ANKRD26: variants seen among roughly 807,000 people sequenced by gnomAD.
ANKRD26 encodes ankyrin repeat domain-containing protein 26.
In ANKRD26, 141 loss-of-function variants were observed where a neutral mutation model predicts 208.7. That is an observed-to-expected ratio of 0.68 (90% confidence interval 0.59 to 0.78). The LOEUF is 0.78. ANKRD26 is among the 30% of genes least tolerant of loss of function. The probability of loss-of-function intolerance (pLI) is 0.00; values close to 1 mark genes in which losing one functional copy is unlikely to be tolerated. For synonymous variants in ANKRD26, 636 were observed against 660.4 expected, an observed-to-expected ratio of 0.96 and a Z score of 0.57; for missense variants, 1,889 against 1,938.7, an observed-to-expected ratio of 0.97 and a Z score of 0.48.
intron 5 of ANKRD26, among the ~76,000 whole-genome samples, chr10:26,993,860 T>C (rs113123145): frequency 0.031 from 4,646 of 152,228 alleles, 176 homozygotes; most frequent in African/African-American, 0.086. Flanking sequence ...ATAATCTGTC[T>C]GCATAATCCT....
At chr10:27,051,277 G>A (rs1024018361) in intron 16 of ANKRD26, 2 of 1,289,304 alleles carry the variant, frequency 1.6e-6, no homozygotes, top group East Asian at 5.6e-5. Flanking sequence ...AATGGCTTCT[G>A]GAACAAGTTC....
chr10:27,042,775 C>A (rs2054294864), intron 20 of ANKRD26, among the ~76,000 whole-genome samples: 1 of 114,042 alleles, frequency 8.8e-6, no homozygotes, highest in Non-Finnish European at 1.8e-5. Flanking sequence ...AACAAACAAA[C>A]ACAAAAAACA....
chr10:26,971,675 CAA>C (rs1170237211), downstream of ANKRD26, among the ~76,000 whole-genome samples: 28 of 89,422 alleles, frequency 3.1e-4, no homozygotes, highest in African/African-American at 4.5e-4. Context: ...GACCATGTCT[CAA>C]AAAAAAAAAA....
intron 33 of ANKRD26, 138 bp from the exon 34 acceptor site, chr10:27,005,861 T>A (rs904821502): frequency 5.5e-6 from 6 of 1,082,450 alleles, no homozygotes; most frequent in Non-Finnish European, 7.5e-6. Context: ...TTATACAATA[T>A]TACTATTAAA....
At chr10:27,041,767 C>G (rs1452183927) in intron 20 of ANKRD26, among the ~76,000 whole-genome samples, 1 of 151,558 alleles carries the variant, frequency 6.6e-6, no homozygotes, top group Non-Finnish European at 1.5e-5. Flanking sequence ...TATAAGCCCC[C>G]AAAGAGGAAG....
chr10:27,040,325 A>G, intron 20 of ANKRD26, 147 bp from the exon 21 acceptor site: 1 of 666,160 alleles, frequency 1.5e-6, no homozygotes. Flanking sequence ...CTCTGAAGAT[A>G]AAACAGGCAA....
intron 27 of ANKRD26, among the ~76,000 whole-genome samples, chr10:27,025,104 A>C (rs1327271228): frequency 2.0e-5 from 3 of 152,182 alleles, no homozygotes; most frequent in East Asian, 3.8e-4. Context: ...AAACAAAAAC[A>C]TAACTTTTGC....
chr10:27,094,801 G>A (rs780919772), intron 1 of ANKRD26, among the ~76,000 whole-genome samples: 1 of 152,166 alleles, frequency 6.6e-6, no homozygotes, highest in Non-Finnish European at 1.5e-5. Context: ...AAGAGTTTGA[G>A]ACCAGCCTGG....
chr10:27,096,113 A>G (rs2056457681), intron 1 of ANKRD26, among the ~76,000 whole-genome samples: 1 of 152,188 alleles, frequency 6.6e-6, no homozygotes, highest in Admixed American at 6.5e-5. Context: ...GCTCACCAGA[A>G]CTTCTCTCAG....
In ANKRD26 at chr10:27,089,659, G is replaced by C. The variant is rs922621010; in HGVS notation, c.638+2747C>G. Among the ~76,000 whole-genome samples, 7 of 152,194 alleles carry C rather than the reference G, an allele frequency of 4.6e-5. 1 individual carries two copies. The highest frequency in any genetic ancestry group is 1.7e-4 in the African/African-American group (7 of 41,456). On this transcript the variant is annotated intron_variant, in intron 4 of 33. Coordinates refer to ENST00000376087, the MANE Select transcript of ANKRD26 (RefSeq NM_014915.3). ...TACATAAAATTAGCCGGGCATGGTG[G>C]TATGTGCTTGTAGTCCCAGCTACTT...
intron 3 of ANKRD26, among the ~76,000 whole-genome samples, chr10:26,985,083 A>G (rs1055078298): frequency 2.0e-5 from 3 of 152,074 alleles, no homozygotes; most frequent in Non-Finnish European, 4.4e-5. Flanking sequence ...AAAAGCTTCA[A>G]CCCAGTGGGA....
intron 31 of ANKRD26, 64 bp from the exon 32 acceptor site, chr10:27,013,174 C>T: frequency 6.9e-7 from 1 of 1,451,842 alleles, no homozygotes; most frequent in Non-Finnish European, 9.5e-7. Flanking sequence ...TCCTAAAAGA[C>T]TTGCAATTTT....
At chr10:27,068,500 G>A (rs1298528878) in intron 9 of ANKRD26, among the ~76,000 whole-genome samples, 1 of 152,064 alleles carries the variant, frequency 6.6e-6, no homozygotes, top group Middle Eastern at 3.2e-3. Context: ...TTCTAGACAG[G>A]GCACCATAAA....
In ANKRD26 at chr10:27,048,779, G is replaced by C. The variant is rs1244232780; in HGVS notation, c.1814+22C>G. ...TATAGCACAATAACAATTATCTGCT[G>C]TTAAATATGCTATCAGCTTACCTAG... is the stretch of plus-strand genomic sequence containing the variant. On this transcript the variant is annotated intron_variant, in intron 17 of 33. Transcript: ENST00000376087. The C allele has an allele frequency of 1.9e-6, 3 of 1,597,914 alleles. No homozygotes were observed. In the African/African-American group the frequency reaches 4.0e-5, roughly 21 times the overall value.
chr10:27,045,986 A>C (rs553274856), intron 18 of ANKRD26: 1 of 162,276 alleles, frequency 6.2e-6, no homozygotes, highest in Admixed American at 6.1e-5. Context: ...TTTCATAAGC[A>C]TTTCCTTCTC....
At chr10:27,037,381 C>T (rs2054079757) in intron 22 of ANKRD26, 58 bp from the exon 23 acceptor site, 1 of 1,575,324 alleles carries the variant, frequency 6.3e-7, no homozygotes, top group African/African-American at 1.4e-5. Flanking sequence ...AAAAGGTTAA[C>T]AAGAGCAGAA....
In ANKRD26 at chr10:27,017,574, A is replaced by G. The variant is rs966546896; in HGVS notation, c.4434T>C (p.Tyr1478=). The G allele has an allele frequency of 6.2e-7, 1 of 1,613,674 alleles. No homozygotes were observed. The part of the protein sequence containing the change: ...NMVELGQVKQ[Y]KQEIEERARQ... ...TTGCTCTTTCTTCAATCTCCTGTTT[A>G]TACTGTTTGACTTGACCAAGTTCTA... Residue 1478 remains tyrosine (Y), a synonymous_variant, in exon 30 of 34, where the codon TAT becomes TAC. Coordinates refer to ENST00000376087, the MANE Select transcript of ANKRD26 (RefSeq NM_014915.3).
chr10:27,001,367 G>C (rs139285073), downstream of ANKRD26, among the ~76,000 whole-genome samples: 124 of 152,236 alleles, frequency 8.1e-4, no homozygotes, highest in African/African-American at 2.8e-3. Context: ...GACACACAAG[G>C]GGTGAGGCTA....
chr10:27,070,179 C>T (rs1422448114), intron 9 of ANKRD26, among the ~76,000 whole-genome samples: 4 of 149,112 alleles, frequency 2.7e-5, no homozygotes, highest in Non-Finnish European at 5.9e-5. Flanking sequence ...CTGAGGTGGG[C>T]GGATCACTTG....
Sources: gnomAD v4.1 joint callset for allele counts (sites outside exome capture counted in the v4.1 genomes callset) on GRCh38, gnomAD v4.1.1 for gene constraint, MANE v1.5 for transcripts, NCBI Gene and HGNC (gene_info 2026-07-23, HGNC 2026-07-21) for gene names.